PACSIN2: variants seen among roughly 807,000 people sequenced by gnomAD.
PACSIN2 encodes the protein protein kinase C and casein kinase substrate in neurons protein 2.
In PACSIN2, 25 loss-of-function variants were observed where a neutral mutation model predicts 63.8. The ratio of observed to expected loss-of-function variants is 0.39; its 90% CI spans 0.29 to 0.55. PACSIN2 has a LOEUF of 0.55. Ranked by LOEUF, PACSIN2 falls within the 20% of genes least tolerant of loss-of-function variation. The pLI is 0.62. For missense variants in PACSIN2, 518 were observed against 646.9 expected (o/e 0.80, Z 2.16); for synonymous variants, 255 against 256.2 (o/e 1.00, Z 0.05).
intron 1 of PACSIN2, among the ~76,000 whole-genome samples, chr22:42,914,541 T>C (rs1316427801): frequency 6.6e-6 from 1 of 152,224 alleles, no homozygotes; most frequent in East Asian, 1.9e-4. Flanking sequence ...TGGAATCCTA[T>C]GCTGCTAGCC....
intron 1 of PACSIN2, among the ~76,000 whole-genome samples, chr22:42,962,775 CG>C (rs1555936911): frequency 0.018 from 293 of 16,332 alleles, 4 homozygotes; most frequent in Middle Eastern, 0.12. Flanking sequence ...AAGGTGTGGG[CG>C]GGGGGGGGGG....
intron 1 of PACSIN2, among the ~76,000 whole-genome samples, chr22:43,003,581 C>A (rs1358663027): frequency 6.6e-6 from 1 of 152,112 alleles, no homozygotes; most frequent in Non-Finnish European, 1.5e-5. Flanking sequence ...CCAGCCTGGG[C>A]GACAGAGCAA....
rs188451675 is a variant in PACSIN2, at chr22:42,912,239, G to A, written c.-77-82C>T. The A allele has an allele frequency of 1.4e-3, 832 of 577,794 alleles. 5 individuals carry two copies. The African/African-American group carries it at 0.015, about 10-fold the overall frequency. The allele number at this position is 577,794 out of a possible 1,614,324, so 35.8% of individuals were successfully genotyped here. ...AGTCATCTCTATTTCACAACTTCCC[G>A]TTTCTAATCACTGCCTTCAGTACAG... On this transcript the variant is annotated intron_variant, in intron 1 of 10. Transcript: ENST00000263246.
intron 1 of PACSIN2, among the ~76,000 whole-genome samples, chr22:42,961,373 T>C (rs5759058): frequency 0.61 from 91,940 of 151,308 alleles, 28,570 homozygotes; most frequent in East Asian, 0.78. Flanking sequence ...TGTTTATCTG[T>C]TGACCTTCCC....
intron 1 of PACSIN2, among the ~76,000 whole-genome samples, chr22:42,926,923 C>T (rs1164884895): frequency 6.6e-6 from 1 of 152,162 alleles, no homozygotes; most frequent in Admixed American, 6.5e-5. Context: ...CTGCTTACCA[C>T]ACCTGGCTGG....
chr22:42,876,019 G>T, intron 10 of PACSIN2, 118 bp downstream of exon 10: 1 of 804,416 alleles, frequency 1.2e-6, no homozygotes, highest in Non-Finnish European at 1.9e-6. Flanking sequence ...GGAAGGGCCT[G>T]CAGTGACTCA....
At chr22:43,004,557 C>A (rs1296123828) in intron 1 of PACSIN2, among the ~76,000 whole-genome samples, 2 of 152,234 alleles carry the variant, frequency 1.3e-5, no homozygotes, top group South Asian at 2.1e-4. Flanking sequence ...GTACAGGGAG[C>A]ACTGCCTGCT....
At chr22:42,883,613 G>A (rs1569216708) in intron 6 of PACSIN2, among the ~76,000 whole-genome samples, 1 of 152,202 alleles carries the variant, frequency 6.6e-6, no homozygotes, top group African/African-American at 2.4e-5. Flanking sequence ...GGGGCTGAGA[G>A]CCACTAAGCA....
At chr22:42,982,024 G>A (rs1169458801) in intron 1 of PACSIN2, among the ~76,000 whole-genome samples, 1 of 105,306 alleles carries the variant, frequency 9.5e-6, no homozygotes, top group Non-Finnish European at 2.0e-5. Context: ...CCTTCCGGCC[G>A]GCCGCCCCGT....
chr22:42,993,432 C>T (rs1259865692), intron 1 of PACSIN2, among the ~76,000 whole-genome samples: 1 of 152,182 alleles, frequency 6.6e-6, no homozygotes, highest in African/African-American at 2.4e-5. Context: ...CTCAATAAAA[C>T]TGTTTCAAAT....
In PACSIN2 at chr22:42,982,448, G is replaced by GA. The variant is rs1405182123; in HGVS notation, c.-78+32572dup. Among the ~76,000 whole-genome samples, 210 of 88,326 alleles carry GA rather than the reference G, an allele frequency of 2.4e-3. 3 individuals carry two copies. The highest frequency in any genetic ancestry group is 9.5e-3 in the Middle Eastern group (2 of 210). The allele number at this position is 88,326 out of a possible 152,430, so 57.9% of individuals were successfully genotyped here. ...GGAATAGAAAGGCGGGAAGGGTGGG[G>GA]AAAAAATTGAGAAATCGGATGGTTG... On this transcript the variant is annotated intron_variant, in intron 1 of 10. Transcript: ENST00000263246.
chr22:42,934,153 A>G (rs987213053), intron 1 of PACSIN2, among the ~76,000 whole-genome samples: 1 of 152,242 alleles, frequency 6.6e-6, no homozygotes, highest in Non-Finnish European at 1.5e-5. Context: ...TCTGAATAAC[A>G]ACTTATATGT....
chr22:42,956,490 A>G (rs1160255469), intron 1 of PACSIN2, among the ~76,000 whole-genome samples: 4 of 152,144 alleles, frequency 2.6e-5, no homozygotes, highest in Non-Finnish European at 5.9e-5. Context: ...AAAAGCAAAC[A>G]ATGTCATTCA....
chr22:42,906,519 G>A (rs1347275446), intron 2 of PACSIN2, among the ~76,000 whole-genome samples: 1 of 152,218 alleles, frequency 6.6e-6, no homozygotes, highest in African/African-American at 2.4e-5. Context: ...GCCCTGATCT[G>A]CCCCATAGGA....
intron 1 of PACSIN2, among the ~76,000 whole-genome samples, chr22:42,958,025 C>T (rs906401298): frequency 2.6e-5 from 4 of 151,072 alleles, no homozygotes; most frequent in African/African-American, 7.3e-5. Context: ...ATGGTACTTA[C>T]AGCAAAAAAG....
chr22:42,933,736 C>A (rs1362590760), intron 1 of PACSIN2, among the ~76,000 whole-genome samples: 1 of 152,226 alleles, frequency 6.6e-6, no homozygotes, highest in Non-Finnish European at 1.5e-5. Flanking sequence ...TTCTTCCCAG[C>A]ATCTGCAAGT....
intron 7 of PACSIN2, among the ~76,000 whole-genome samples, chr22:42,881,223 C>A (rs779291925): frequency 3.3e-5 from 5 of 152,234 alleles, no homozygotes; most frequent in African/African-American, 4.8e-5. Context: ...GGCTATGAGG[C>A]GCCCAGGAGG....
At position 42,961,688 on chromosome 22, in the gene PACSIN2, G is replaced by A. The variant is rs187950632; in HGVS notation, c.-77-49531C>T. Among the ~76,000 whole-genome samples the A allele has an allele frequency of 5.3e-5, 8 of 152,150 alleles. No individual in the cohort carries two copies. In the East Asian group the frequency reaches 1.4e-3, roughly 26 times the overall value. ...CTCAGGAGGCTGAGGCACGAGAATC[G>A]CTTGACCCCAGGGAGCAGAGGTTGC... On this transcript the variant is annotated intron_variant, in intron 1 of 10. Coordinates refer to ENST00000263246, the MANE Select transcript of PACSIN2 (RefSeq NM_001184970.3).
rs768900248 is a variant in PACSIN2, at chr22:42,891,157, C to T, written c.243G>A (p.Lys81=). The change falls in exon 4 of 11, where the codon AAG becomes AAA. Residue 81 remains lysine, a synonymous_variant. Coordinates refer to ENST00000263246, the MANE Select transcript of PACSIN2 (RefSeq NM_001184970.3). ...EKGPQYGTVE[K]AWMAFMSEAE... The stretch of plus-strand genomic sequence containing the variant: ...CCTCGGACATGAAGGCCATCCAGGC[C>T]TTCTCCACGGTCCCGTACTGGGGCC... The T allele has an allele frequency of 6.2e-7, 1 of 1,613,956 alleles. No individual in the cohort carries two copies. The highest frequency in any genetic ancestry group is 8.5e-7 in the Non-Finnish European group (1 of 1,179,986).
Sources: gnomAD v4.1 joint callset for allele counts (sites outside exome capture counted in the v4.1 genomes callset) on GRCh38, gnomAD v4.1.1 for gene constraint, MANE v1.5 for transcripts, NCBI Gene and HGNC (gene_info 2026-07-23, HGNC 2026-07-21) for gene names.